The following TAFA2 variants were observed in gnomAD, a reference collection of about 807,000 sequenced individuals.
The protein encoded by TAFA2 is TAFA chemokine like family member 2.
In TAFA2, 7 loss-of-function variants were observed where a neutral mutation model predicts 18.8. The ratio of observed to expected loss-of-function variants is 0.37; its 90% CI spans 0.21 to 0.70. The LOEUF is 0.70. TAFA2 is among the 30% of genes least tolerant of loss of function. TAFA2 has a pLI of 0.53. For missense variants in TAFA2, 122 were observed against 158.1 expected (o/e 0.77, Z 1.23); for synonymous variants, 60 against 54.2 (o/e 1.11, Z -0.47).
At chr12:61,886,749 C>T (rs1875400745) in intron 1 of TAFA2, among the ~76,000 whole-genome samples, 1 of 152,162 alleles carries the variant, frequency 6.6e-6, no homozygotes, top group Non-Finnish European at 1.5e-5. Context: ...ACTGTTACCT[C>T]TTACAGGCAC....
At chr12:62,248,060 G>T (rs1474193579) in intron 1 of TAFA2, among the ~76,000 whole-genome samples, 3 of 152,128 alleles carry the variant, frequency 2.0e-5, no homozygotes, top group Admixed American at 6.5e-5. Flanking sequence ...ACATTGAAAG[G>T]TGAGGAGAGC....
chr12:61,938,230 TAA>T (rs1157161976), intron 1 of TAFA2, among the ~76,000 whole-genome samples: 46 of 98,428 alleles, frequency 4.7e-4, no homozygotes, highest in Middle Eastern at 6.8e-3. Context: ...ATAGATATGG[TAA>T]AAAAAAAAAA....
intron 1 of TAFA2, among the ~76,000 whole-genome samples, chr12:62,210,674 A>T (rs1390027955): frequency 6.6e-6 from 1 of 152,236 alleles, no homozygotes; most frequent in Non-Finnish European, 1.5e-5. Flanking sequence ...CTTCCACAAC[A>T]GAGAGAAGTA....
At chr12:61,762,847 C>T (rs1592372817) in intron 2 of TAFA2, among the ~76,000 whole-genome samples, 1 of 152,062 alleles carries the variant, frequency 6.6e-6, no homozygotes, top group Middle Eastern at 3.4e-3. Flanking sequence ...TCTCTATATA[C>T]TCCTATTTAA....
chr12:62,237,691 G>A (rs2062844400), intron 1 of TAFA2, among the ~76,000 whole-genome samples: 1 of 152,224 alleles, frequency 6.6e-6, no homozygotes, highest in South Asian at 2.1e-4. Flanking sequence ...TTTACCTAGA[G>A]ATTCTTTGCA....
chr12:62,097,457 T>A (rs1017205412), intron 1 of TAFA2, among the ~76,000 whole-genome samples: 1 of 152,034 alleles, frequency 6.6e-6, no homozygotes, highest in Non-Finnish European at 1.5e-5. Context: ...TGGAAATAGG[T>A]TGGTAAACGG....
chr12:61,821,166 A>AT lies in TAFA2; in HGVS notation c.106+46153dup, dbSNP rs1555168031. 7.3e-3 allele frequency among the ~76,000 whole-genome samples: 879 copies of AT among 120,652 alleles called. 5 individuals carry two copies. The highest frequency in any genetic ancestry group is 0.02 in the South Asian group (75 of 3,828). 79.2% of individuals were successfully genotyped at this position (120,652 alleles called of 152,430 possible). A position where few individuals can be genotyped will look rare whatever the true frequency, so the allele number is the denominator to read the frequency against. ...ACACACACACACACACACACACACA[A>AT]TTATTTGGAGGGTGCTGAAACATCT... On this transcript the variant is annotated intron_variant, in intron 2 of 4. Transcript: ENST00000416284.
chr12:61,938,056 C>T (rs1276696701), intron 1 of TAFA2, among the ~76,000 whole-genome samples: 1 of 151,940 alleles, frequency 6.6e-6, no homozygotes, highest in Non-Finnish European at 1.5e-5. Flanking sequence ...AATAAATGCT[C>T]ACCATCACTA....
chr12:61,760,533 T>C (rs549315436), intron 2 of TAFA2, among the ~76,000 whole-genome samples: 3 of 151,854 alleles, frequency 2.0e-5, no homozygotes, highest in South Asian at 2.1e-4. Flanking sequence ...CAAATTCTTG[T>C]AGACAAAGAC....
chr12:61,961,941 T>C (rs937022521), intron 1 of TAFA2, among the ~76,000 whole-genome samples: 1 of 152,054 alleles, frequency 6.6e-6, no homozygotes, highest in South Asian at 2.1e-4. Flanking sequence ...TTCATTTTGA[T>C]TTCAGAACAT....
At chr12:62,081,011 G>A (rs535872331) in intron 1 of TAFA2, among the ~76,000 whole-genome samples, 4 of 152,206 alleles carry the variant, frequency 2.6e-5, no homozygotes, top group East Asian at 3.9e-4. Context: ...TGCCTGACAC[G>A]GTGAAACCCT....
At chr12:62,020,585 A>G (rs559167639) in intron 1 of TAFA2, among the ~76,000 whole-genome samples, 2 of 152,348 alleles carry the variant, frequency 1.3e-5, no homozygotes, top group South Asian at 2.1e-4. Flanking sequence ...GTCAGATAAT[A>G]AGGATGAAGG....
At chr12:61,768,708 T>C (rs1466084645) in intron 2 of TAFA2, among the ~76,000 whole-genome samples, 1 of 152,082 alleles carries the variant, frequency 6.6e-6, no homozygotes, top group Non-Finnish European at 1.5e-5. Context: ...ATTCCTGATT[T>C]TGTCTCACAG....
intron 1 of TAFA2, among the ~76,000 whole-genome samples, chr12:62,130,099 C>G (rs1044385490): frequency 7.2e-5 from 11 of 151,996 alleles, no homozygotes; most frequent in African/African-American, 2.4e-4. Flanking sequence ...TACCTTTTAG[C>G]AGCTATTTTT....
intron 4 of TAFA2, among the ~76,000 whole-genome samples, chr12:61,720,008 G>A (rs967384789): frequency 1.3e-5 from 2 of 151,924 alleles, no homozygotes; most frequent in Non-Finnish European, 2.9e-5. Flanking sequence ...AACACAGATG[G>A]CGATGTTTAA....
At chr12:62,084,321 A>G (rs1316223880) in intron 1 of TAFA2, among the ~76,000 whole-genome samples, 1 of 152,184 alleles carries the variant, frequency 6.6e-6, no homozygotes, top group African/African-American at 2.4e-5. Flanking sequence ...CAATTATGAC[A>G]ATCATTAGCA....
At chr12:61,873,535 G>A (rs1874712558) in intron 1 of TAFA2, among the ~76,000 whole-genome samples, 1 of 152,074 alleles carries the variant, frequency 6.6e-6, no homozygotes, top group African/African-American at 2.4e-5. Flanking sequence ...ATTTTCAAAT[G>A]AGGTCAAAAA....
intron 1 of TAFA2, among the ~76,000 whole-genome samples, chr12:61,900,326 C>A (rs1053259687): frequency 6.6e-6 from 1 of 152,150 alleles, no homozygotes; most frequent in African/African-American, 2.4e-5. Context: ...CCACCAGCAA[C>A]AATGTGTAAG....
intron 1 of TAFA2, among the ~76,000 whole-genome samples, chr12:62,137,026 A>G (rs1469384912): frequency 6.6e-6 from 1 of 152,084 alleles, no homozygotes; most frequent in African/African-American, 2.4e-5. Context: ...TTTGGAGAGA[A>G]CCCTCACCTT....
Sources: gnomAD v4.1 joint callset for allele counts (sites outside exome capture counted in the v4.1 genomes callset) on GRCh38, gnomAD v4.1.1 for gene constraint, MANE v1.5 for transcripts, NCBI Gene and HGNC (gene_info 2026-07-23, HGNC 2026-07-21) for gene names.